PRRC2C: variants seen among roughly 807,000 people sequenced by gnomAD.
The protein encoded by PRRC2C is proline rich coiled-coil 2C, also known as protein PRRC2C.
PRRC2C carries 72 observed loss-of-function variants against 317.2 expected under a neutral mutation model. The observed-to-expected ratio is 0.23, with a 90% CI of 0.19 to 0.28. The LOEUF (loss-of-function observed/expected upper bound fraction) is 0.28. PRRC2C is among the 10% of genes least tolerant of loss of function. The pLI, the probability that PRRC2C is intolerant of heterozygous loss-of-function variation, is 1.00. For synonymous variants in PRRC2C, 1,296 were observed against 1,205.9 expected, an observed-to-expected ratio of 1.07 and a Z score of -1.55; for missense variants, 3,074 against 3,459.7, an observed-to-expected ratio of 0.89 and a Z score of 2.80.
At chr1:171,512,525 C>G (rs559092848) in intron 2 of PRRC2C, 60 of 275,662 alleles carry the variant, frequency 2.2e-4, no homozygotes, top group African/African-American at 1.0e-3. Context: ...AATTTAGTAT[C>G]TTTTTAATTA....
At position 171,571,301 on chromosome 1, in the gene PRRC2C, G is replaced by A. The variant is rs766064007; in HGVS notation, c.6652-19G>A. 55 of 1,425,914 alleles carry A rather than the reference G, an allele frequency of 3.9e-5. No homozygotes were observed. The East Asian group carries it at 1.2e-3, about 32-fold the overall frequency. 88.3% of individuals were successfully genotyped at this position (1,425,914 alleles called of 1,614,324 possible). A position where few individuals can be genotyped will look rare whatever the true frequency, so the allele number is the denominator to read the frequency against. On this transcript the variant is annotated intron_variant, in intron 23 of 34. Transcript: ENST00000647382. ...TAGACACATAGTTAGATTGTGATAT[G>A]TGTTGCCTACCTTTTCAGGTGCCCC...
chr1:171,533,142 G>A (rs879605527), intron 12 of PRRC2C, among the ~76,000 whole-genome samples, 181 bp downstream of exon 12: 4 of 152,142 alleles, frequency 2.6e-5, no homozygotes, highest in Non-Finnish European at 4.4e-5. Context: ...ATGAACAGAC[G>A]TCTCTGAAGT....
intron 17 of PRRC2C, among the ~76,000 whole-genome samples, chr1:171,547,984 A>G (rs1404005874): frequency 6.6e-6 from 1 of 150,414 alleles, no homozygotes; most frequent in Non-Finnish European, 1.5e-5. Context: ...AAATGGAATA[A>G]TGGTAATGTC....
chr1:171,586,278 A>G (rs1572157590), intron 30 of PRRC2C, among the ~76,000 whole-genome samples: 1 of 149,898 alleles, frequency 6.7e-6, no homozygotes, highest in Admixed American at 6.6e-5. Flanking sequence ...TTTAGTAGAG[A>G]CGGAGTTTCC....
chr1:171,558,122 C>T lies in PRRC2C; in HGVS notation c.6010C>T (p.Leu2004=). Residue 2004 remains leucine, a synonymous_variant, in exon 19 of 35, where the codon CTG becomes TTG. Transcript: ENST00000647382. ...WDNKVAPPAV[L]NDISKKLGPI... ...TAACAAGGTGGCCCCACCAGCTGTG[C>T]TGAATGATATCTCTAAGAAATGTAA... 6.2e-7 allele frequency: 1 copy of T among 1,612,172 alleles called. No individual in the cohort carries two copies. Among genetic ancestry groups the T allele is most frequent in the South Asian group, 1.1e-5 (1 of 90,950 alleles).
At chr1:171,487,794 G>A (rs1373322812) in intron 1 of PRRC2C, among the ~76,000 whole-genome samples, 1 of 152,100 alleles carries the variant, frequency 6.6e-6, no homozygotes, top group African/African-American at 2.4e-5. Flanking sequence ...GTAGGATATT[G>A]GTAGAAGAAA....
rs1237706055 is a variant in PRRC2C, at chr1:171,566,583, T to C, written c.6307-9T>C. The stretch of plus-strand genomic sequence containing the variant: ...TAAACATAGTTTTATCATAAACATT[T>C]GACTTTAGCTTCCAGATTTGAGTCC... On this transcript the variant is annotated splice_polypyrimidine_tract_variant and intron_variant, in intron 21 of 34. Transcript: ENST00000647382. 3.9e-6 allele frequency: 6 copies of C among 1,557,734 alleles called. No homozygotes were observed. The highest frequency in any genetic ancestry group is 1.7e-4 in the Middle Eastern group (1 of 5,878).
Position 171,512,214 on chromosome 1 carries a change from A to C in PRRC2C, c.112+14A>C, listed in dbSNP as rs768756406. The C allele has an allele frequency of 8.1e-6, 12 of 1,478,710 alleles. No individual in the cohort carries two copies. Among genetic ancestry groups the C allele is most frequent in the South Asian group, 1.2e-5 (1 of 82,572 alleles). 91.6% of individuals were successfully genotyped at this position (1,478,710 alleles called of 1,614,324 possible). ...AGAAAACCACAGGTGAGTAAAATCAAGTGACACTTATGTTTTTCATGGTTT... is the reference window on the plus strand; with the variant it reads ...AGAAAACCACAGGTGAGTAAAATCACGTGACACTTATGTTTTTCATGGTTT... On this transcript the variant is annotated intron_variant, in intron 2 of 34. Transcript: ENST00000647382.
In PRRC2C at chr1:171,538,615, A is replaced by G. The variant is rs557039119; in HGVS notation, c.2504+1142A>G. On this transcript the variant is annotated intron_variant, in intron 15 of 34. Transcript: ENST00000647382. ...TTACTCAAGTGTACTCTTTCATTCTAGGTGGAAATTACTGGTCTTGATGGA... is the reference window on the plus strand; with the variant it reads ...TTACTCAAGTGTACTCTTTCATTCTGGGTGGAAATTACTGGTCTTGATGGA... Among the ~76,000 whole-genome samples, 16 of 152,338 alleles carry G rather than the reference A, an allele frequency of 1.1e-4. No individual in the cohort carries two copies. The South Asian group carries it at 1.2e-3, about 12-fold the overall frequency.
chr1:171,520,285 G>A (rs776888069), intron 6 of PRRC2C, among the ~76,000 whole-genome samples: 44 of 152,112 alleles, frequency 2.9e-4, no homozygotes, highest in Admixed American at 1.6e-3. Flanking sequence ...CCTAAAAGAA[G>A]TTTGGGAGTA....
chr1:171,496,542 A>T (rs779163928), intron 1 of PRRC2C, among the ~76,000 whole-genome samples: 19 of 152,024 alleles, frequency 1.2e-4, no homozygotes, highest in Admixed American at 4.6e-4. Context: ...TAATACAAAG[A>T]ATTACCATAT....
At position 171,524,913 on chromosome 1, in the gene PRRC2C, C is replaced by T. The variant is rs1305039910; in HGVS notation, c.1148C>T (p.Ala383Val). ...SNTKSSSQIP[A>V]QPSVAKVPYG... Reference sequence around the variant, plus strand: ...ACTAAATCATCTTCCCAAATACCTGCCCAACCATCAGTAGCAAAAGTTCCC... The same window carrying T: ...ACTAAATCATCTTCCCAAATACCTGTCCAACCATCAGTAGCAAAAGTTCCC... The change falls in exon 10 of 35, where the codon GCC becomes GTC. Residue 383 changes from alanine to valine, a missense_variant. Ala to Val is a moderately conservative substitution (Grantham distance 64). Transcript: ENST00000647382. The T allele has an allele frequency of 1.2e-6, 2 of 1,611,420 alleles. No individual in the cohort carries two copies. Among genetic ancestry groups the T allele is most frequent in the Middle Eastern group, 1.7e-4 (1 of 6,054 alleles).
chr1:171,485,601 C>T lies in PRRC2C; in HGVS notation c.-192C>T, dbSNP rs1665872641. ...TGCGAAAGTGCTTTGGCGGTTTGTC[C>T]ATCCGCAGCTTCGGCTTTTCCAGTC... On this transcript the variant is annotated 5_prime_UTR_variant, in exon 1 of 35. Coordinates refer to ENST00000647382, the MANE Select transcript of PRRC2C (RefSeq NM_001387844.1). 1 of 152,696 alleles carries T rather than the reference C, an allele frequency of 6.5e-6. No individual in the cohort carries two copies. The highest frequency in any genetic ancestry group is 2.4e-5 in the African/African-American group (1 of 41,476). The allele number at this position is 152,696 out of a possible 1,614,324, so 9.5% of individuals were successfully genotyped here. A position where few individuals can be genotyped will look rare whatever the true frequency, so the allele number is the denominator to read the frequency against.
At chr1:171,558,245 CATT>C in intron 19 of PRRC2C, 102 bp downstream of exon 19, 1 of 1,339,040 alleles carries the variant, frequency 7.5e-7, no homozygotes, top group South Asian at 1.8e-5. Flanking sequence ...CTAGCCATCT[CATT>C]TTTTATTGTA....
At chr1:171,589,721 A>G in intron 34 of PRRC2C, 116 bp downstream of exon 34, 1 of 601,720 alleles carries the variant, frequency 1.7e-6, no homozygotes, top group South Asian at 2.0e-5. Context: ...AGACTTAACC[A>G]AGCTAACTAC....
At chr1:171,546,018 T>TATTA (rs1679057481) in intron 17 of PRRC2C, among the ~76,000 whole-genome samples, 1 of 49,406 alleles carries the variant, frequency 2.0e-5, no homozygotes, top group South Asian at 9.3e-4. Context: ...GAAATTTGAT[T>TATTA]CTTAGTTATA....
intron 28 of PRRC2C, among the ~76,000 whole-genome samples, chr1:171,583,207 C>T (rs1480306283): frequency 6.6e-6 from 1 of 152,198 alleles, no homozygotes; most frequent in Non-Finnish European, 1.5e-5. Context: ...TTCCTGGCCT[C>T]AAGCAGCCCT....
intron 3 of PRRC2C, chr1:171,513,489 T>C: frequency 2.1e-6 from 1 of 480,156 alleles, no homozygotes; most frequent in Non-Finnish European, 4.1e-6. Flanking sequence ...TTGACTCCGA[T>C]ACCTAAATTC....
chr1:171,488,194 T>C (rs1000719183), intron 1 of PRRC2C, among the ~76,000 whole-genome samples: 3 of 152,252 alleles, frequency 2.0e-5, no homozygotes, highest in African/African-American at 2.4e-5. Flanking sequence ...ATGACAAGAA[T>C]TGATCATTGG....
Sources: gnomAD v4.1 joint callset for allele counts (sites outside exome capture counted in the v4.1 genomes callset) on GRCh38, gnomAD v4.1.1 for gene constraint, MANE v1.5 for transcripts, NCBI Gene and HGNC (gene_info 2026-07-23, HGNC 2026-07-21) for gene names.